The following CFAP251 variants were observed in gnomAD, a reference collection of about 807,000 sequenced individuals.
CFAP251 encodes cilia- and flagella-associated protein 251.
Under a neutral mutation model 126.7 loss-of-function variants are expected in CFAP251, and 93 were observed. The observed-to-expected ratio is 0.73, with a 90% CI of 0.62 to 0.87. CFAP251 has a LOEUF of 0.87. Among genes scored for constraint, CFAP251 ranks in the 40% least tolerant of loss-of-function variants. The pLI, the probability that CFAP251 is intolerant of heterozygous loss-of-function variation, is 0.00. For synonymous variants in CFAP251, 503 were observed against 506.9 expected (o/e 0.99, Z 0.10); for missense variants, 1,287 against 1,389.2 (o/e 0.93, Z 1.17).
At chr12:121,923,535 T>G in intron 2 of CFAP251, 87 bp from the exon 3 acceptor site, 3 of 1,494,216 alleles carry the variant, frequency 2.0e-6, no homozygotes. Context: ...AGGCTAACAC[T>G]AAGACTGGCT....
chr12:121,922,422 T>G (rs1207018279), intron 2 of CFAP251, among the ~76,000 whole-genome samples: 1 of 152,108 alleles, frequency 6.6e-6, no homozygotes, highest in Non-Finnish European at 1.5e-5. Flanking sequence ...TAAGGAGCTC[T>G]AAGGTGTGTA....
intron 2 of CFAP251, 109 bp downstream of exon 2, chr12:121,921,792 C>CTTT (rs3040015): frequency 0.37 from 291,791 of 782,932 alleles, 26,336 homozygotes; most frequent in African/African-American, 0.6. Context: ...CAATCCATTC[C>CTTT]TTTTTTTTTT....
At chr12:121,945,606 G>A (rs1881294490) in intron 7 of CFAP251, among the ~76,000 whole-genome samples, 1 of 151,780 alleles carries the variant, frequency 6.6e-6, no homozygotes, top group Non-Finnish European at 1.5e-5. Context: ...GCCTCCCAAA[G>A]TGCTGGGATT....
intron 3 of CFAP251, among the ~76,000 whole-genome samples, chr12:121,925,406 G>C (rs1289490079): frequency 6.6e-6 from 1 of 152,188 alleles, no homozygotes; most frequent in Non-Finnish European, 1.5e-5. Context: ...CGATTGAATG[G>C]ATATCAAATA....
At chr12:121,991,444 A>C (rs940352847) in intron 19 of CFAP251, among the ~76,000 whole-genome samples, 4 of 152,198 alleles carry the variant, frequency 2.6e-5, no homozygotes, top group African/African-American at 9.7e-5. Context: ...GCAGTATTCA[A>C]AGTGTGGTCC....
At chr12:121,991,558 C>G (rs996027834) in intron 19 of CFAP251, among the ~76,000 whole-genome samples, 10 of 152,188 alleles carry the variant, frequency 6.6e-5, no homozygotes, top group African/African-American at 2.4e-4. Context: ...GACCAGCAGT[C>G]TGTTTGAACA....
intron 7 of CFAP251, among the ~76,000 whole-genome samples, chr12:121,946,076 T>C (rs1010352684): frequency 5.3e-5 from 8 of 152,172 alleles, no homozygotes; most frequent in African/African-American, 1.9e-4. Flanking sequence ...GCCTCCAAGG[T>C]GTGATCTGAT....
chr12:121,961,807 G>T (rs942918576), intron 14 of CFAP251, among the ~76,000 whole-genome samples, 171 bp from the exon 15 acceptor site: 1 of 152,230 alleles, frequency 6.6e-6, no homozygotes, highest in Admixed American at 6.5e-5. Flanking sequence ...TGATGACTTA[G>T]TCAGTGTCAG....
rs201870149 is a variant in CFAP251, at chr12:121,960,748, A to G, written c.2297A>G (p.Asp766Gly). The part of the protein sequence containing the change: ...NEPRLLSLGT[D>G]RLLIEYDLLR... ...CCTAGACTGCTGAGCCTTGGGACAG[A>G]CAGGCTCTTGGTGAGCTGTTTAGTT... The change falls in exon 14 of 22, where the codon GAC (aspartate) becomes GGC (glycine). Residue 766 changes from aspartate to glycine, a missense_variant. Physicochemically the swap from Asp to Gly is moderately conservative, Grantham distance 94. Coordinates refer to ENST00000288912, the MANE Select transcript of CFAP251 (RefSeq NM_144668.6). The G allele has an allele frequency of 2.4e-5, 38 of 1,613,124 alleles. No individual in the cohort carries two copies. The highest frequency in any genetic ancestry group is 3.1e-5 in the Non-Finnish European group (37 of 1,179,836).
chr12:121,948,314 CT>C (rs1390194691), intron 7 of CFAP251: 3 of 152,316 alleles, frequency 2.0e-5, no homozygotes, highest in African/African-American at 7.2e-5. Flanking sequence ...ACGCAGCAGT[CT>C]TTATCTAAAA....
At chr12:121,971,577 C>G (rs770299320) in intron 17 of CFAP251, 1 of 702,906 alleles carries the variant, frequency 1.4e-6, no homozygotes, top group African/African-American at 1.7e-5. Flanking sequence ...GAGCCAGGCA[C>G]CAATATTATC....
At chr12:121,972,677 A>G (rs1189766708) in intron 17 of CFAP251, among the ~76,000 whole-genome samples, 1 of 151,978 alleles carries the variant, frequency 6.6e-6, no homozygotes, top group African/African-American at 2.4e-5. Flanking sequence ...TTTAGTAGAG[A>G]AAGGGTTTCA....
chr12:121,985,551 A>AG (rs2135807712), intron 19 of CFAP251, among the ~76,000 whole-genome samples: 1 of 151,648 alleles, frequency 6.6e-6, no homozygotes, highest in African/African-American at 2.4e-5. Flanking sequence ...AAAAAAAAAA[A>AG]AAAGGGAGTG....
In CFAP251 at chr12:121,992,281, A is replaced by G. The variant is rs184057699; in HGVS notation, c.3007-7435A>G. 22 of 985,472 alleles carry G rather than the reference A, an allele frequency of 2.2e-5. No homozygotes were observed. The Admixed American group carries it at 3.1e-4, about 14-fold the overall frequency. The allele number at this position is 985,472 out of a possible 1,614,324, so 61.0% of individuals were successfully genotyped here. A position where few individuals can be genotyped will look rare whatever the true frequency, so the allele number is the denominator to read the frequency against. ...GACAAGTAGCAGAACCTGCCTTTTC[A>G]ACGAACACTTGCGAAGTCGGCTCAG... is the stretch of plus-strand genomic sequence containing the variant. On this transcript the variant is annotated intron_variant, in intron 19 of 21. Coordinates refer to ENST00000288912, the MANE Select transcript of CFAP251 (RefSeq NM_144668.6).
Position 121,999,751 on chromosome 12 carries a change from AT to A in CFAP251, c.3043del (p.Tyr1015MetfsTer7), listed in dbSNP as rs1184371345. 1 of 1,612,232 alleles carries A rather than the reference AT, an allele frequency of 6.2e-7. No individual in the cohort carries two copies. The highest frequency in any genetic ancestry group is 1.3e-5 in the African/African-American group (1 of 74,890). ...TATTTAACGAAATCAAATTTGGTGA[AT>A]ATGTGGACACTGGAAAGCTAATCGA... ...DIFNEIKFGE[Y>X]VDTGKLIDKI... On this transcript the variant is annotated frameshift_variant, in exon 20 of 22. Coordinates refer to ENST00000288912, the MANE Select transcript of CFAP251 (RefSeq NM_144668.6). LOFTEE classifies it high-confidence loss of function.
intron 21 of CFAP251, among the ~76,000 whole-genome samples, chr12:122,002,260 C>T (rs1218757515): frequency 6.6e-6 from 1 of 152,116 alleles, no homozygotes; most frequent in Non-Finnish European, 1.5e-5. Context: ...GAGGCTGGGG[C>T]AGGAGAATCG....
intron 2 of CFAP251, among the ~76,000 whole-genome samples, chr12:121,922,242 G>A (rs950422177): frequency 1.3e-5 from 2 of 151,818 alleles, no homozygotes; most frequent in South Asian, 4.2e-4. Flanking sequence ...CGAGTAGTGA[G>A]ATTACAGGCG....
At chr12:121,938,902 G>A (rs1880997161) in intron 5 of CFAP251, among the ~76,000 whole-genome samples, 1 of 151,646 alleles carries the variant, frequency 6.6e-6, no homozygotes, top group African/African-American at 2.4e-5. Flanking sequence ...AGACAGAATC[G>A]CTTGAACCCA....
At position 121,958,936 on chromosome 12, in the gene CFAP251, A is replaced by G. The variant is rs748104094; in HGVS notation, c.1982-7A>G. 10 of 1,576,982 alleles carry G rather than the reference A, an allele frequency of 6.3e-6. No homozygotes were observed. In the South Asian group the frequency reaches 1.1e-4, roughly 17 times the overall value. On this transcript the variant is annotated splice_polypyrimidine_tract_variant and splice_region_variant and intron_variant, in intron 12 of 21. Transcript: ENST00000288912. ...CTTTTCCATCGTTCTCTGGCTTGTCATTTCAGGAGCCCTTCTTGGAGCTGG... is the reference window on the plus strand; with the variant it reads ...CTTTTCCATCGTTCTCTGGCTTGTCGTTTCAGGAGCCCTTCTTGGAGCTGG...
Sources: gnomAD v4.1 joint callset for allele counts (sites outside exome capture counted in the v4.1 genomes callset) on GRCh38, gnomAD v4.1.1 for gene constraint, MANE v1.5 for transcripts, NCBI Gene and HGNC (gene_info 2026-07-23, HGNC 2026-07-21) for gene names.